The following CES5A variants were observed in gnomAD, a reference collection of about 807,000 sequenced individuals.
CES5A encodes carboxylesterase 5A, also known as carboxylesterase 5.
Under a neutral mutation model 62.9 loss-of-function variants are expected in CES5A, and 67 were observed. That is an observed-to-expected ratio of 1.07 (90% CI 0.88 to 1.31). CES5A has a LOEUF of 1.31. CES5A is among the 50% of genes most tolerant of loss of function. The pLI, the probability that CES5A is intolerant of heterozygous loss-of-function variation, is 0.00. For missense variants in CES5A, 748 were observed against 708.5 expected (o/e 1.06, Z -0.63); for synonymous variants, 296 against 280.8 (o/e 1.05, Z -0.54).
intron 3 of CES5A, among the ~76,000 whole-genome samples, chr16:55,870,701 A>T (rs2142410280): frequency 6.6e-6 from 1 of 152,350 alleles, no homozygotes; most frequent in South Asian, 2.1e-4. Flanking sequence ...CTGTCCCAAA[A>T]AAAAGAGGGA....
At chr16:55,903,892 G>A (rs754536467) in intron 1 of CES5A, among the ~76,000 whole-genome samples, 3 of 152,212 alleles carry the variant, frequency 2.0e-5, no homozygotes, top group Non-Finnish European at 2.9e-5. Flanking sequence ...GTGTTGTAAG[G>A]GGGGAAAAGG....
intron 2 of CES5A, among the ~76,000 whole-genome samples, chr16:55,946,050 C>CAGTA (rs2034491331): frequency 6.6e-6 from 1 of 152,164 alleles, no homozygotes; most frequent in Non-Finnish European, 1.5e-5. Context: ...ATGGAATTTA[C>CAGTA]AGTAGCATTC....
At chr16:55,915,669 G>A (rs569344902) in intron 1 of CES5A, among the ~76,000 whole-genome samples, 3 of 152,104 alleles carry the variant, frequency 2.0e-5, no homozygotes, top group East Asian at 3.9e-4. Context: ...TCCCCCAGGC[G>A]ACCTTGGGCC....
intron 1 of CES5A, among the ~76,000 whole-genome samples, chr16:55,889,887 A>G (rs2033857918): frequency 6.6e-6 from 1 of 152,148 alleles, no homozygotes; most frequent in South Asian, 2.1e-4. Context: ...AGGTTTTAGG[A>G]GCTTTAGGTT....
intron 1 of CES5A, among the ~76,000 whole-genome samples, chr16:55,914,363 C>G (rs568442836): frequency 6.6e-6 from 1 of 152,154 alleles, no homozygotes; most frequent in African/African-American, 2.4e-5. Context: ...GTTGGCCTGG[C>G]AAATGATGTG....
intron 1 of CES5A, among the ~76,000 whole-genome samples, chr16:55,921,798 A>G (rs553182714): frequency 3.2e-4 from 49 of 152,200 alleles, no homozygotes; most frequent in Non-Finnish European, 6.3e-4. Flanking sequence ...AAATATATCA[A>G]AACAATAATA....
intron 1 of CES5A, among the ~76,000 whole-genome samples, chr16:55,955,286 CA>C (rs1255370150): frequency 3.2e-4 from 48 of 151,536 alleles, no homozygotes; most frequent in African/African-American, 9.7e-4. Flanking sequence ...CCTGTTGAGT[CA>C]AAAAAAAATT....
chr16:55,888,349 C>CA (rs2033838615), intron 1 of CES5A, among the ~76,000 whole-genome samples: 3 of 152,164 alleles, frequency 2.0e-5, no homozygotes, highest in Admixed American at 2.0e-4. Context: ...CTGGCCCATG[C>CA]ACAAGTTAGC....
intron 1 of CES5A, among the ~76,000 whole-genome samples, chr16:55,911,505 T>C (rs1252197408): frequency 2.0e-5 from 3 of 152,238 alleles, no homozygotes; most frequent in African/African-American, 7.2e-5. Flanking sequence ...ATGTCTTTCA[T>C]GTGCTGCTTT....
upstream of CES5A, among the ~76,000 whole-genome samples, chr16:55,880,309 G>T (rs1265407451): frequency 1.3e-5 from 2 of 152,184 alleles, no homozygotes; most frequent in Non-Finnish European, 2.9e-5. Flanking sequence ...AGAATTACAG[G>T]ACAGATGGAG....
At chr16:55,896,639 C>T (rs1437193805) in intron 1 of CES5A, among the ~76,000 whole-genome samples, 1 of 152,238 alleles carries the variant, frequency 6.6e-6, no homozygotes, top group Non-Finnish European at 1.5e-5. Flanking sequence ...GGGGCCAGAA[C>T]CCAGGTTCCT....
Position 55,846,754 on chromosome 16 carries a change from G to A in CES5A, c.1496+14C>T. ...CCAGGCCTTGGCATGGGGGAGACCG[G>A]GAGGTTTACTTACCCGGTTCGAGCA... On this transcript the variant is annotated intron_variant, in intron 12 of 12. Transcript: ENST00000290567. The A allele has an allele frequency of 6.2e-7, 1 of 1,613,976 alleles. No homozygotes were observed. Among genetic ancestry groups the A allele is most frequent in the South Asian group, 1.1e-5 (1 of 91,064 alleles).
At chr16:55,953,783 A>G (rs1445171504) in intron 1 of CES5A, among the ~76,000 whole-genome samples, 1 of 152,176 alleles carries the variant, frequency 6.6e-6, no homozygotes, top group African/African-American at 2.4e-5. Flanking sequence ...GTATATATTT[A>G]TGGGGTACAT....
chr16:55,866,681 C>CAA (rs1287845742), intron 4 of CES5A, among the ~76,000 whole-genome samples: 1 of 98,376 alleles, frequency 1.0e-5, no homozygotes, highest in Non-Finnish European at 2.1e-5. Context: ...AAAAAAAATA[C>CAA]AAAAAAATTA....
At chr16:55,879,280 C>T (rs1390748808), upstream of CES5A, among the ~76,000 whole-genome samples, 1 of 148,540 alleles carries the variant, frequency 6.7e-6, no homozygotes, top group Non-Finnish European at 1.5e-5. Context: ...CTCACCACTG[C>T]ACCTCCACCA....
At chr16:55,852,847 C>T (rs760361138) in intron 10 of CES5A, 34 bp downstream of exon 10, 77 of 1,595,378 alleles carry the variant, frequency 4.8e-5, no homozygotes, top group Non-Finnish European at 6.6e-5. Context: ...CCTCACTGGG[C>T]TATGGTCCTG....
intron 1 of CES5A, among the ~76,000 whole-genome samples, chr16:55,921,351 C>A (rs575754850): frequency 6.6e-6 from 1 of 152,008 alleles, no homozygotes; most frequent in African/African-American, 2.4e-5. Flanking sequence ...AAGAGAAGAT[C>A]CTAAAAACAA....
At chr16:55,944,499 C>T in intron 2 of CES5A, 1 of 161,024 alleles carries the variant, frequency 6.2e-6, no homozygotes, top group Non-Finnish European at 1.4e-5. Context: ...CTTGCCAATT[C>T]TGGAAAAAAG....
chr16:55,949,273 G>T (rs1474473865), intron 2 of CES5A, among the ~76,000 whole-genome samples: 1 of 152,198 alleles, frequency 6.6e-6, no homozygotes, highest in Non-Finnish European at 1.5e-5. Flanking sequence ...GCAATGCAGT[G>T]CCAGAGAAGC....
Sources: gnomAD v4.1 joint callset for allele counts (sites outside exome capture counted in the v4.1 genomes callset) on GRCh38, gnomAD v4.1.1 for gene constraint, MANE v1.5 for transcripts, NCBI Gene and HGNC (gene_info 2026-07-23, HGNC 2026-07-21) for gene names.